The following KRT80 variants were observed in gnomAD, a reference collection of about 807,000 sequenced individuals.
KRT80 encodes the protein keratin 80.
Under a neutral mutation model 51.5 loss-of-function variants are expected in KRT80, and 36 were observed. The observed-to-expected ratio is 0.70, with a 90% CI of 0.54 to 0.92. KRT80 has a LOEUF of 0.92. KRT80 is among the 40% of genes least tolerant of loss of function. The pLI, the probability that KRT80 is intolerant of heterozygous loss-of-function variation, is 0.00. For missense variants in KRT80, 566 were observed against 591.7 expected, an observed-to-expected ratio of 0.96 and a Z score of 0.45; for synonymous variants, 235 against 248.3, an observed-to-expected ratio of 0.95 and a Z score of 0.50.
Position 52,173,084 on chromosome 12 carries a change from A to C in KRT80, c.911T>G (p.Val304Gly), listed in dbSNP as rs762895534. 1 of 1,613,438 alleles carries C rather than the reference A, an allele frequency of 6.2e-7. No individual in the cohort carries two copies. The highest frequency in any genetic ancestry group is 1.1e-5 in the South Asian group (1 of 91,038). ...CTGGGACCGCAGCTTCTGGATGCGC[A>C]CATTGAGATCCGCGATCTCGCTGCG... ...SSRSEIADLNVRIQKLRSQIL... is the reference protein window; with the variant it reads ...SSRSEIADLNGRIQKLRSQIL... The change falls in exon 6 of 9, where the codon GTG (valine) becomes GGG (glycine). Residue 304 changes from valine (V) to glycine (G), a missense_variant. Val to Gly is a moderately radical substitution (Grantham distance 109). Transcript: ENST00000394815.
In KRT80 at chr12:52,170,537, G is replaced by A. The variant is rs1941070773; in HGVS notation, c.*861C>T. The A allele has an allele frequency of 6.6e-6, 1 of 152,284 alleles. No individual in the cohort carries two copies. Among genetic ancestry groups the A allele is most frequent in the African/African-American group, 2.4e-5 (1 of 41,452 alleles). The allele number at this position is 152,284 out of a possible 1,614,324, so 9.4% of individuals were successfully genotyped here. On this transcript the variant is annotated 3_prime_UTR_variant, in exon 9 of 9. Transcript: ENST00000394815. ...GGAACAACCCGGCTGGGGGCACAGA[G>A]CTCAGATCCAGGCTGGGTAGGACCC...
chr12:52,173,848 G>C (rs1941167618), intron 4 of KRT80, 84 bp from the exon 5 acceptor site: 1 of 1,397,596 alleles, frequency 7.2e-7, no homozygotes. Context: ...TTGTCCCCGG[G>C]GTGAGCGGAG....
intron 6 of KRT80, 93 bp downstream of exon 6, chr12:52,172,937 ACACAGGGT>A (rs1409918578): frequency 7.2e-7 from 1 of 1,386,938 alleles, no homozygotes; most frequent in Non-Finnish European, 9.7e-7. Flanking sequence ...TAAGCGACCC[ACACAGGGT>A]CACTCAGTCA....
At chr12:52,187,426 G>A (rs1941423114) in intron 1 of KRT80, among the ~76,000 whole-genome samples, 1 of 152,174 alleles carries the variant, frequency 6.6e-6, no homozygotes, top group Non-Finnish European at 1.5e-5. Context: ...TTCCCAGAGA[G>A]CCCCATCTGA....
chr12:52,182,463 G>C (rs1251268353), intron 2 of KRT80, among the ~76,000 whole-genome samples: 3 of 152,220 alleles, frequency 2.0e-5, no homozygotes, highest in Admixed American at 1.3e-4. Context: ...CTAACCAGCT[G>C]TGTCCTGGGG....
chr12:52,187,839 G>A (rs922642659), intron 1 of KRT80, among the ~76,000 whole-genome samples: 10 of 152,186 alleles, frequency 6.6e-5, no homozygotes, highest in African/African-American at 2.4e-4. Context: ...TGTTTACACT[G>A]AGGGTGGAGT....
At chr12:52,185,669 C>T (rs777545953) in intron 1 of KRT80, 82 bp from the exon 2 acceptor site, 30 of 1,547,972 alleles carry the variant, frequency 1.9e-5, no homozygotes, top group Middle Eastern at 3.3e-4. Flanking sequence ...CAAGAGCCCA[C>T]GGAGGGCTCC....
intron 2 of KRT80, among the ~76,000 whole-genome samples, chr12:52,182,602 G>A (rs1316389013): frequency 1.3e-5 from 2 of 152,226 alleles, no homozygotes; most frequent in African/African-American, 4.8e-5. Context: ...GCCTCAGGAA[G>A]CCTCTTGGCA....
chr12:52,179,345 C>T (rs926560601), intron 4 of KRT80, among the ~76,000 whole-genome samples: 4 of 152,206 alleles, frequency 2.6e-5, no homozygotes, highest in African/African-American at 9.7e-5. Context: ...GGCATGGTGC[C>T]CTGGTCAGCC....
At chr12:52,188,452 C>T (rs562471204) in intron 1 of KRT80, among the ~76,000 whole-genome samples, 1 of 152,196 alleles carries the variant, frequency 6.6e-6, no homozygotes, top group African/African-American at 2.4e-5. Context: ...CCGGACATCC[C>T]AGAGGCTGCA....
chr12:52,180,425 C>G, intron 4 of KRT80, 88 bp downstream of exon 4: 1 of 833,312 alleles, frequency 1.2e-6, no homozygotes, highest in Non-Finnish European at 1.7e-6. Context: ...GTTCCATGCC[C>G]CACTGGATGG....
rs1327353611 is a variant in KRT80, at chr12:52,177,611, AGG to A, written c.666+2900_666+2901del. 4.6e-5 allele frequency among the ~76,000 whole-genome samples: 7 copies of A among 151,210 alleles called. 1 individual carries two copies. The highest frequency in any genetic ancestry group is 4.6e-4 in the Admixed American group (7 of 15,208). On this transcript the variant is annotated intron_variant, in intron 4 of 8. Coordinates refer to ENST00000394815, the MANE Select transcript of KRT80 (RefSeq NM_182507.3). ...TGAGCTCCTACTCAGTTGGCTTGGA[AGG>A]GCTTTTCAGAATGTATCTTGGCTGT...
At chr12:52,180,754 G>C in intron 3 of KRT80, 146 bp from the exon 4 acceptor site, 1 of 1,586,836 alleles carries the variant, frequency 6.3e-7, no homozygotes, top group Non-Finnish European at 8.6e-7. Context: ...GCTGGATGGG[G>C]ATGGGGGTAT....
intron 4 of KRT80, among the ~76,000 whole-genome samples, chr12:52,179,252 C>T (rs778635838): frequency 2.0e-5 from 3 of 152,190 alleles, no homozygotes; most frequent in Non-Finnish European, 4.4e-5. Context: ...AGGAGATGGC[C>T]CTGCTGATGC....
chr12:52,174,023 T>C (rs557241039), intron 4 of KRT80, among the ~76,000 whole-genome samples: 27 of 152,208 alleles, frequency 1.8e-4, no homozygotes, highest in Non-Finnish European at 3.4e-4. Flanking sequence ...CTGTTGGTTT[T>C]AAAGGCTACC....
At chr12:52,178,169 T>G (rs1941263204) in intron 4 of KRT80, among the ~76,000 whole-genome samples, 1 of 152,186 alleles carries the variant, frequency 6.6e-6, no homozygotes. Flanking sequence ...TAATAATAAC[T>G]GCTGTGGTTC....
chr12:52,191,838 C>A lies in KRT80; in HGVS notation c.65G>T (p.Gly22Val). The change falls in exon 1 of 9, where the codon GGC (glycine) becomes GTC (valine). Residue 22 changes from glycine to valine, a missense_variant. Gly to Val is a moderately radical substitution (Grantham distance 109). Coordinates refer to ENST00000394815, the MANE Select transcript of KRT80 (RefSeq NM_182507.3). ...SLSSCEVTPV[G>V]SPRPGTSGWD... ...TCCTGAGGTTCCAGGCCGGGGGCTG[C>A]CCACCGGGGTCACCTCACAGCTGCT... is the stretch of plus-strand genomic sequence containing the variant. The A allele has an allele frequency of 6.3e-7, 1 of 1,577,278 alleles. No homozygotes were observed. Among genetic ancestry groups the A allele is most frequent in the Non-Finnish European group, 8.6e-7 (1 of 1,159,366 alleles).
At chr12:52,184,017 G>A (rs1333122621) in intron 2 of KRT80, among the ~76,000 whole-genome samples, 1 of 86,432 alleles carries the variant, frequency 1.2e-5, no homozygotes, top group Non-Finnish European at 2.8e-5. Context: ...CCGGAGGGGC[G>A]GTCAGATGCC....
In KRT80 at chr12:52,180,543, G is replaced by T; in HGVS notation, c.636C>A (p.Phe212Leu). The change falls in exon 4 of 9, where the codon TTC becomes TTA. Residue 212 changes from phenylalanine to leucine, a missense_variant. Transcript: ENST00000394815. The part of the protein sequence containing the change: ...LETKLKSLES[F>L]VELMKTIYEQ... ...CATAGATGGTTTTCATCAACTCCAC[G>T]AAGCTCTCCAGGCTTTTTAACTTGG... The T allele has an allele frequency of 6.8e-7, 1 of 1,477,410 alleles. No homozygotes were observed. The highest frequency in any genetic ancestry group is 2.4e-5 in the East Asian group (1 of 41,834). The allele number at this position is 1,477,410 out of a possible 1,614,324, so 91.5% of individuals were successfully genotyped here.
Sources: gnomAD v4.1 joint callset for allele counts (sites outside exome capture counted in the v4.1 genomes callset) on GRCh38, gnomAD v4.1.1 for gene constraint, MANE v1.5 for transcripts, NCBI Gene and HGNC (gene_info 2026-07-23, HGNC 2026-07-21) for gene names.